The following DMD variants were observed in gnomAD, a reference collection of about 807,000 sequenced individuals.
DMD encodes the protein mutant dystrophin.
In DMD, 63 loss-of-function variants were observed where a neutral mutation model predicts 330.1. The ratio of observed to expected loss-of-function variants is 0.19; its 90% CI spans 0.16 to 0.24. The LOEUF is 0.24. Among genes scored for constraint, DMD ranks in the 10% least tolerant of loss-of-function variants. DMD has a pLI of 1.00. For missense variants in DMD, 3,344 were observed against 2,684.1 expected (o/e 1.25, Z -5.43); for synonymous variants, 1,223 against 959.8 (o/e 1.27, Z -5.07).
At chrX:32,171,120 A>T in intron 44 of DMD, among the ~76,000 whole-genome samples, 1 of 111,850 alleles carries the variant, frequency 8.9e-6, no homozygotes, top group African/African-American at 3.2e-5. Context: ...AGATCTGCAA[A>T]ACCTTGATCT....
chrX:31,320,592 T>A (rs2056340999), intron 62 of DMD, among the ~76,000 whole-genome samples: 1 of 112,101 alleles, frequency 8.9e-6, no homozygotes, highest in South Asian at 3.8e-4. Context: ...GGCATTAAGC[T>A]GTGCATAAAG....
chrX:32,843,360 G>C (rs747997212), intron 4 of DMD, among the ~76,000 whole-genome samples: 14 of 111,956 alleles, frequency 1.3e-4, no homozygotes, highest in Non-Finnish European at 2.3e-4. Context: ...TATTTCCAAA[G>C]AGTCCATCGG....
chrX:32,458,935 T>C (rs2098372553), intron 25 of DMD, among the ~76,000 whole-genome samples: 1 of 111,056 alleles, frequency 9.0e-6, no homozygotes, highest in African/African-American at 3.3e-5. Flanking sequence ...AATATTTCCT[T>C]CCATTCCCTA....
chrX:32,450,261 G>T (rs2098324654), intron 26 of DMD, among the ~76,000 whole-genome samples: 1 of 110,775 alleles, frequency 9.0e-6, no homozygotes, highest in African/African-American at 3.3e-5. Context: ...AAATGCCTTT[G>T]TATGTGTCAG....
At chrX:31,483,998 A>T (rs1375798821) in intron 57 of DMD, among the ~76,000 whole-genome samples, 1 of 107,055 alleles carries the variant, frequency 9.3e-6, no homozygotes, top group African/African-American at 3.6e-5. Context: ...TTTATGTAGT[A>T]AAAAAAAAGC....
intron 54 of DMD, among the ~76,000 whole-genome samples, chrX:31,656,442 T>C (rs748084403): frequency 8.9e-6 from 1 of 112,025 alleles, no homozygotes; most frequent in Non-Finnish European, 1.9e-5. Context: ...ATAGATAGAC[T>C]AGATCAGTGT....
intron 1 of DMD, among the ~76,000 whole-genome samples, chrX:33,267,022 A>C (rs939496711): frequency 2.7e-5 from 3 of 110,879 alleles, no homozygotes; most frequent in African/African-American, 9.8e-5. Context: ...AAAGAAATAA[A>C]ATGCATCCAA....
At chrX:32,960,503 G>A (rs751862366) in intron 2 of DMD, among the ~76,000 whole-genome samples, 2 of 112,080 alleles carry the variant, frequency 1.8e-5, no homozygotes, top group South Asian at 3.7e-4. Flanking sequence ...GAGAAGGCAG[G>A]AGCCTAACCT....
At chrX:31,699,518 G>A in intron 52 of DMD, among the ~76,000 whole-genome samples, 1 of 112,162 alleles carries the variant, frequency 8.9e-6, no homozygotes, top group Non-Finnish European at 1.9e-5. Flanking sequence ...CCTCCTGTCT[G>A]GGCCAAGGCT....
At chrX:32,711,508 C>T (rs1041983138) in intron 7 of DMD, among the ~76,000 whole-genome samples, 4 of 111,671 alleles carry the variant, frequency 3.6e-5, no homozygotes, top group African/African-American at 1.3e-4. Flanking sequence ...GAAAACACAT[C>T]CCATTGACGG....
At chrX:32,840,396 T>C (rs2080056675) in intron 4 of DMD, among the ~76,000 whole-genome samples, 1 of 111,932 alleles carries the variant, frequency 8.9e-6, no homozygotes, top group Non-Finnish European at 1.9e-5. Flanking sequence ...TTTCTATATA[T>C]GGCCCGTGGA....
intron 45 of DMD, among the ~76,000 whole-genome samples, chrX:31,967,922 CT>C (rs770352682): frequency 2.7e-5 from 3 of 111,663 alleles, no homozygotes; most frequent in African/African-American, 9.8e-5. Context: ...GACACTATCA[CT>C]TTTTTTAGCT....
chrX:32,631,695 G>A (rs1468685278), intron 11 of DMD, among the ~76,000 whole-genome samples: 1 of 110,626 alleles, frequency 9.0e-6, no homozygotes, highest in Non-Finnish European at 1.9e-5. Context: ...GTGAGTGGGA[G>A]GGTACCACAC....
chrX:31,707,528 A>G (rs773229254), intron 52 of DMD, among the ~76,000 whole-genome samples: 1 of 110,857 alleles, frequency 9.0e-6, no homozygotes, highest in African/African-American at 3.3e-5. Context: ...GCTCACTAAC[A>G]TGGCGATGGG....
intron 42 of DMD, among the ~76,000 whole-genome samples, chrX:32,297,883 T>C (rs1318853082): frequency 9.0e-6 from 1 of 110,752 alleles, no homozygotes; most frequent in East Asian, 2.9e-4. Context: ...ATCATGAGAA[T>C]AATATTCCAG....
chrX:32,660,384 C>T (rs73451075), intron 9 of DMD, among the ~76,000 whole-genome samples: 4,795 of 110,892 alleles, frequency 0.043, 241 homozygotes, highest in African/African-American at 0.15. Flanking sequence ...AGCAGAAAAG[C>T]GAAACAGAAC....
intron 45 of DMD, among the ~76,000 whole-genome samples, chrX:31,939,128 C>A (rs751455635): frequency 1.8e-5 from 2 of 111,668 alleles, no homozygotes; most frequent in Non-Finnish European, 3.8e-5. Context: ...TGACCCTTCC[C>A]GAGGGAAAAC....
chrX:31,615,798 G>T (rs1456037141), intron 55 of DMD, among the ~76,000 whole-genome samples: 1 of 111,868 alleles, frequency 8.9e-6, no homozygotes, highest in African/African-American at 3.2e-5. Context: ...AATCAAATGA[G>T]AATTGTGCTC....
chrX:31,303,324 ACTAT>A (rs1603336692), intron 62 of DMD, among the ~76,000 whole-genome samples: 1 of 111,140 alleles, frequency 9.0e-6, no homozygotes. Context: ...TTAGGTGCAC[ACTAT>A]CTGTCTATTT....
Sources: allele counts gnomAD v4.1 joint callset (sites outside exome capture counted in the v4.1 genomes callset), GRCh38; gene constraint gnomAD v4.1.1; transcripts MANE v1.5; gene names NCBI Gene and HGNC (gene_info 2026-07-23, HGNC 2026-07-21).